The following SNX29 variants were observed in gnomAD, a reference collection of about 807,000 sequenced individuals.
The protein encoded by SNX29 is sorting nexin 29.
SNX29 carries 78 observed loss-of-function variants against 102.1 expected under a neutral mutation model. The ratio of observed to expected loss-of-function variants is 0.76; its 90% CI spans 0.64 to 0.92. The LOEUF (loss-of-function observed/expected upper bound fraction) is 0.92, where lower values mean the gene tolerates loss of function less well. SNX29 is among the 40% of genes least tolerant of loss of function. The pLI is 0.00. For missense variants in SNX29, 1,280 were observed against 1,061.7 expected (o/e 1.21, Z -2.86); for synonymous variants, 580 against 414.5 (o/e 1.40, Z -4.85).
chr16:12,550,732 C>T (rs182972829), intron 20 of SNX29, among the ~76,000 whole-genome samples: 4 of 151,956 alleles, frequency 2.6e-5, no homozygotes, highest in African/African-American at 7.3e-5. Context: ...CCTGTGTTGC[C>T]TATTTAAAAA....
intron 20 of SNX29, among the ~76,000 whole-genome samples, chr16:12,534,733 G>A (rs1310256932): frequency 1.3e-5 from 2 of 152,180 alleles, no homozygotes; most frequent in South Asian, 2.1e-4. Context: ...ACTGCCCCTT[G>A]CCCTACTAAA....
At chr16:12,551,450 T>TA (rs1205607070) in intron 20 of SNX29, among the ~76,000 whole-genome samples, 2 of 152,190 alleles carry the variant, frequency 1.3e-5, no homozygotes, top group African/African-American at 4.8e-5. Flanking sequence ...AGCATGCTTT[T>TA]AAAAATACAG....
intron 18 of SNX29, among the ~76,000 whole-genome samples, chr16:12,448,258 A>G (rs993565380): frequency 7.2e-5 from 11 of 152,186 alleles, no homozygotes; most frequent in African/African-American, 2.4e-4. Context: ...CCACCTTTCC[A>G]TGTCCTCCTT....
intron 14 of SNX29, among the ~76,000 whole-genome samples, chr16:12,231,276 G>T (rs1197994275): frequency 6.6e-6 from 1 of 152,174 alleles, no homozygotes; most frequent in Non-Finnish European, 1.5e-5. Context: ...ATACCATCCA[G>T]CTCACTAGGG....
chr16:12,403,671 C>T (rs1328227720), intron 18 of SNX29, 142 bp downstream of exon 18: 10 of 798,166 alleles, frequency 1.3e-5, no homozygotes, highest in Non-Finnish European at 2.0e-5. Flanking sequence ...CTTAACTGCC[C>T]AGAGGCCTTG....
intron 15 of SNX29, among the ~76,000 whole-genome samples, chr16:12,310,310 C>T (rs1381456295): frequency 1.3e-5 from 2 of 152,246 alleles, no homozygotes; most frequent in East Asian, 1.9e-4. Context: ...GTTCTCATTC[C>T]CCTCCTAGGT....
At chr16:12,531,884 T>G (rs538595225) in intron 20 of SNX29, among the ~76,000 whole-genome samples, 1 of 152,186 alleles carries the variant, frequency 6.6e-6, no homozygotes, top group African/African-American at 2.4e-5. Context: ...CCTCAGGAAA[T>G]GTATGTCTTC....
intron 11 of SNX29, among the ~76,000 whole-genome samples, chr16:12,106,011 C>T (rs547260557): frequency 1.3e-5 from 2 of 152,222 alleles, no homozygotes; most frequent in South Asian, 4.2e-4. Flanking sequence ...AAGCCTCAGC[C>T]GTGGCTCCTC....
chr16:12,521,090 G>C (rs141262979), intron 19 of SNX29, among the ~76,000 whole-genome samples: 4 of 152,236 alleles, frequency 2.6e-5, no homozygotes, highest in African/African-American at 9.6e-5. Flanking sequence ...TGAGGTAGGA[G>C]GACTGCTTGA....
intron 20 of SNX29, among the ~76,000 whole-genome samples, chr16:12,545,276 G>C (rs1429676436): frequency 6.6e-6 from 1 of 152,208 alleles, no homozygotes; most frequent in Non-Finnish European, 1.5e-5. Context: ...TTGAGAAATT[G>C]GTTTGCCACT....
chr16:12,340,908 TTGTC>T (rs1415283423), intron 15 of SNX29, among the ~76,000 whole-genome samples: 3 of 152,176 alleles, frequency 2.0e-5, no homozygotes, highest in Non-Finnish European at 4.4e-5. Context: ...CCCCTATCCT[TTGTC>T]TGTCACCACT....
chr16:12,251,700 C>T (rs1471450080), intron 14 of SNX29, among the ~76,000 whole-genome samples: 1 of 152,126 alleles, frequency 6.6e-6, no homozygotes, highest in African/African-American at 2.4e-5. Flanking sequence ...AAGACTCTGT[C>T]TCCAAAACAA....
At chr16:12,550,535 A>G (rs1303998967) in intron 20 of SNX29, among the ~76,000 whole-genome samples, 1 of 146,506 alleles carries the variant, frequency 6.8e-6, no homozygotes, top group African/African-American at 2.7e-5. Context: ...AATCTACAAA[A>G]AAAAAAAAAA....
intron 14 of SNX29, among the ~76,000 whole-genome samples, chr16:12,256,877 C>T (rs558101978): frequency 2.6e-5 from 4 of 152,190 alleles, no homozygotes; most frequent in Non-Finnish European, 5.9e-5. Context: ...CTTATGATAG[C>T]TAAAGCAGAA....
At chr16:12,535,061 C>G (rs1407652093) in intron 20 of SNX29, among the ~76,000 whole-genome samples, 1 of 152,164 alleles carries the variant, frequency 6.6e-6, no homozygotes, top group Non-Finnish European at 1.5e-5. Flanking sequence ...AGCACTGGGA[C>G]TCCACAGTCA....
At chr16:12,087,822 T>C (rs2052284388) in intron 11 of SNX29, 1 of 456,738 alleles carries the variant, frequency 2.2e-6, no homozygotes, top group East Asian at 6.9e-5. Flanking sequence ...CTGTATCCTC[T>C]TTCCCTCTTC....
At chr16:12,458,025 A>G (rs570098125) in intron 18 of SNX29, among the ~76,000 whole-genome samples, 2 of 152,346 alleles carry the variant, frequency 1.3e-5, no homozygotes, top group African/African-American at 2.4e-5. Flanking sequence ...GATTACTGCA[A>G]AAATTCCTAA....
intron 11 of SNX29, among the ~76,000 whole-genome samples, chr16:12,106,267 G>T (rs963571341): frequency 6.6e-6 from 1 of 152,190 alleles, no homozygotes; most frequent in African/African-American, 2.4e-5. Flanking sequence ...GCGGGCTGTT[G>T]TCTGGTTTCT....
chr16:12,503,521 T>C (rs2089225425), intron 19 of SNX29, among the ~76,000 whole-genome samples: 1 of 152,062 alleles, frequency 6.6e-6, no homozygotes, highest in Non-Finnish European at 1.5e-5. Flanking sequence ...CCAGGGAGTA[T>C]CAACATTTCA....
Sources: allele counts gnomAD v4.1 joint callset (sites outside exome capture counted in the v4.1 genomes callset), GRCh38; gene constraint gnomAD v4.1.1; transcripts MANE v1.5; gene names NCBI Gene and HGNC (gene_info 2026-07-23, HGNC 2026-07-21).